Variants in CYP7B1 observed in about 807,000 individuals in gnomAD.
CYP7B1 encodes the protein cytochrome P450 family 7 subfamily B member 1, also known as cytochrome P450 7B1.
A neutral mutation model predicts 42.7 loss-of-function variants in CYP7B1; 29 were observed. That is an observed-to-expected ratio of 0.68 (90% confidence interval 0.51 to 0.93). The LOEUF (loss-of-function observed/expected upper bound fraction) is 0.93, where lower values mean the gene tolerates loss of function less well. Ranked by LOEUF, CYP7B1 falls within the 40% of genes least tolerant of loss-of-function variation. The pLI is 0.00. For synonymous variants in CYP7B1, 235 were observed against 218.2 expected (o/e 1.08, Z -0.68); for missense variants, 655 against 600.5 (o/e 1.09, Z -0.95).
chr8:64,614,042 G>A (rs1805398799), intron 4 of CYP7B1, among the ~76,000 whole-genome samples: 1 of 152,102 alleles, frequency 6.6e-6, no homozygotes, highest in African/African-American at 2.4e-5. Flanking sequence ...TTGTTCCTGC[G>A]TTTGTCTAAA....
intron 1 of CYP7B1, among the ~76,000 whole-genome samples, chr8:64,746,643 T>C (rs976426410): frequency 2.6e-5 from 4 of 152,190 alleles, no homozygotes; most frequent in Non-Finnish European, 2.9e-5. Context: ...CAGAGAAATA[T>C]TTTAATTTCA....
At chr8:64,724,511 T>A (rs1197399409) in intron 1 of CYP7B1, among the ~76,000 whole-genome samples, 1 of 152,168 alleles carries the variant, frequency 6.6e-6, no homozygotes, top group African/African-American at 2.4e-5. Flanking sequence ...ATATATCTGA[T>A]TTTTACAATG....
intron 1 of CYP7B1, among the ~76,000 whole-genome samples, chr8:64,769,264 C>G (rs1804175820): frequency 6.6e-6 from 1 of 152,066 alleles, no homozygotes; most frequent in Admixed American, 6.5e-5. Context: ...TCATAACAAA[C>G]ACAAATATTT....
intron 1 of CYP7B1, among the ~76,000 whole-genome samples, chr8:64,752,621 CTAA>C (rs1322469332): frequency 6.6e-6 from 1 of 152,104 alleles, no homozygotes; most frequent in African/African-American, 2.4e-5. Flanking sequence ...ATATATTTTT[CTAA>C]TGTTCTCTGT....
intron 1 of CYP7B1, among the ~76,000 whole-genome samples, chr8:64,776,462 A>T (rs1804328576): frequency 6.6e-6 from 1 of 152,200 alleles, no homozygotes; most frequent in African/African-American, 2.4e-5. Flanking sequence ...TGTCACACAC[A>T]GGGCATGAGA....
chr8:64,687,795 T>G (rs1806678718), intron 1 of CYP7B1, among the ~76,000 whole-genome samples: 1 of 152,334 alleles, frequency 6.6e-6, no homozygotes, highest in East Asian at 1.9e-4. Context: ...TCCATATAGC[T>G]GGGAAAACAG....
At chr8:64,777,144 T>C (rs1281574764) in intron 1 of CYP7B1, among the ~76,000 whole-genome samples, 1 of 135,900 alleles carries the variant, frequency 7.4e-6, no homozygotes, top group Non-Finnish European at 1.6e-5. Context: ...ATCCATCATG[T>C]AAAAAGTAAA....
intron 1 of CYP7B1, among the ~76,000 whole-genome samples, chr8:64,643,184 T>TATATATACATATATAC (rs1563374425): frequency 2.6e-5 from 1 of 38,212 alleles, no homozygotes; most frequent in African/African-American, 5.4e-5. Context: ...TATATATACA[T>TATATATACATATATAC]ATATATATAC....
At chr8:64,698,332 A>AGG (rs113079849) in intron 1 of CYP7B1, among the ~76,000 whole-genome samples, 3 of 150,226 alleles carry the variant, frequency 2.0e-5, no homozygotes, top group Non-Finnish European at 4.5e-5. Context: ...CTCCAGCAGC[A>AGG]GGGGGGGGAA....
intron 1 of CYP7B1, among the ~76,000 whole-genome samples, chr8:64,756,406 C>G (rs944005178): frequency 6.6e-6 from 1 of 152,182 alleles, no homozygotes; most frequent in African/African-American, 2.4e-5. Flanking sequence ...AGATCCTTCA[C>G]ATTAAGGTAG....
At chr8:64,681,838 T>G (rs1333904318) in intron 1 of CYP7B1, among the ~76,000 whole-genome samples, 1 of 152,060 alleles carries the variant, frequency 6.6e-6, no homozygotes, top group Non-Finnish European at 1.5e-5. Context: ...CCTCAGAAAC[T>G]ATGAGATAAT....
intron 1 of CYP7B1, among the ~76,000 whole-genome samples, chr8:64,692,261 T>C (rs1236922876): frequency 6.6e-6 from 1 of 152,192 alleles, no homozygotes. Flanking sequence ...TCTGAAAGGG[T>C]TCACTCCTAA....
intron 1 of CYP7B1, among the ~76,000 whole-genome samples, chr8:64,691,740 G>A (rs1806748602): frequency 6.6e-6 from 1 of 152,156 alleles, no homozygotes; most frequent in African/African-American, 2.4e-5. Flanking sequence ...GGCTGGACAG[G>A]CCCTTACTGC....
At chr8:64,717,713 C>T (rs867853143) in intron 1 of CYP7B1, among the ~76,000 whole-genome samples, 2 of 151,936 alleles carry the variant, frequency 1.3e-5, no homozygotes, top group East Asian at 1.9e-4. Flanking sequence ...ATTAGCAGGG[C>T]GTGGTAGTGC....
At chr8:64,742,441 G>T (rs752718573) in intron 1 of CYP7B1, among the ~76,000 whole-genome samples, 6 of 151,386 alleles carry the variant, frequency 4.0e-5, no homozygotes, top group Admixed American at 6.6e-5. Context: ...TTATTAATAA[G>T]AAAAAAAAGA....
intron 1 of CYP7B1, among the ~76,000 whole-genome samples, chr8:64,792,197 G>T (rs1439895701): frequency 2.6e-5 from 4 of 152,096 alleles, no homozygotes; most frequent in Non-Finnish European, 5.9e-5. Flanking sequence ...TAGCTGAGGA[G>T]ATTTCCAAGC....
chr8:64,720,976 G>A (rs935166349), intron 1 of CYP7B1, among the ~76,000 whole-genome samples: 1 of 151,256 alleles, frequency 6.6e-6, no homozygotes, highest in Non-Finnish European at 1.5e-5. Context: ...ATATAAATAA[G>A]ATATTTTTAA....
chr8:64,676,305 A>C (rs978891229), intron 1 of CYP7B1, among the ~76,000 whole-genome samples: 1 of 152,104 alleles, frequency 6.6e-6, no homozygotes, highest in Admixed American at 6.6e-5. Flanking sequence ...CTTCCTGATG[A>C]CTAGATAAAA....
intron 1 of CYP7B1, among the ~76,000 whole-genome samples, chr8:64,646,314 A>C (rs539993943): frequency 1.4e-4 from 22 of 152,288 alleles, no homozygotes; most frequent in Admixed American, 3.9e-4. Context: ...ACAAAGGGCT[A>C]ATATCCAGAA....
Sources: allele counts gnomAD v4.1 joint callset (sites outside exome capture counted in the v4.1 genomes callset), GRCh38; gene constraint gnomAD v4.1.1; transcripts MANE v1.5; gene names NCBI Gene and HGNC (gene_info 2026-07-23, HGNC 2026-07-21).